Variants in GPR107 observed in about 807,000 individuals in gnomAD.
GPR107 encodes the protein protein GPR107.
Under a neutral mutation model 75.5 loss-of-function variants are expected in GPR107, and 31 were observed. The observed-to-expected ratio is 0.41, with a 90% CI of 0.31 to 0.55. GPR107 has a LOEUF of 0.55. Among genes scored for constraint, GPR107 ranks in the 20% least tolerant of loss-of-function variants. The pLI is 0.26. For synonymous variants in GPR107, 267 were observed against 251.3 expected (o/e 1.06, Z -0.59); for missense variants, 572 against 665.7 (o/e 0.86, Z 1.55).
intron 14 of GPR107, chr9:130,108,690 C>T (rs1240117659): frequency 4.8e-5 from 22 of 454,848 alleles, no homozygotes; most frequent in Admixed American, 4.3e-4. Context: ...TCAGCTTCTG[C>T]GACCTGCACC....
chr9:130,086,703 A>G (rs568797843), intron 7 of GPR107, among the ~76,000 whole-genome samples: 8 of 152,234 alleles, frequency 5.3e-5, no homozygotes, highest in African/African-American at 1.7e-4. Context: ...GTGACTATCT[A>G]GTGTAGGTGA....
At chr9:130,072,617 T>C (rs1830237543) in intron 1 of GPR107, among the ~76,000 whole-genome samples, 1 of 152,156 alleles carries the variant, frequency 6.6e-6, no homozygotes, top group South Asian at 2.1e-4. Flanking sequence ...GATGCTGTTT[T>C]TATTGTTTAA....
intron 15 of GPR107, 148 bp downstream of exon 15, chr9:130,125,112 TTC>T: frequency 2.0e-6 from 1 of 512,774 alleles, no homozygotes; most frequent in Non-Finnish European, 3.3e-6. Context: ...TTTTTTTTTT[TTC>T]TGGAGACGAC....
At chr9:130,099,330 T>G in intron 9 of GPR107, 127 bp from the exon 10 acceptor site, 4 of 594,522 alleles carry the variant, frequency 6.7e-6, no homozygotes, top group Non-Finnish European at 1.2e-5. Flanking sequence ...AAAAAAAAAG[T>G]TTCATGTTTG....
chr9:130,062,664 T>TTCCTGCCTTCCTGCCTGCCTGCCTGCCTG (rs1564657740), intron 1 of GPR107, among the ~76,000 whole-genome samples: 5 of 75,818 alleles, frequency 6.6e-5, no homozygotes, highest in African/African-American at 2.8e-4. Context: ...CTGCCTGCCT[T>TTCCTGCCTTCCTGCCTGCCTGCCTGCCTG]CCTTCCTTCC....
At chr9:130,062,943 T>C (rs1177485698) in intron 1 of GPR107, among the ~76,000 whole-genome samples, 1 of 152,288 alleles carries the variant, frequency 6.6e-6, no homozygotes, top group East Asian at 1.9e-4. Flanking sequence ...TTGTCCAGGC[T>C]GGTCTTGAAC....
chr9:130,105,628 T>C (rs572382402), intron 13 of GPR107, among the ~76,000 whole-genome samples: 1 of 152,096 alleles, frequency 6.6e-6, no homozygotes, highest in East Asian at 1.9e-4. Context: ...TGTCAGTTAC[T>C]CTCATTATTT....
chr9:130,134,296 A>C (rs1831899350), intron 17 of GPR107, among the ~76,000 whole-genome samples: 1 of 152,148 alleles, frequency 6.6e-6, no homozygotes, highest in Non-Finnish European at 1.5e-5. Flanking sequence ...GATTCCTTCT[A>C]ATGGAAAGGG....
At chr9:130,113,245 CTT>C (rs10564750) in intron 14 of GPR107, among the ~76,000 whole-genome samples, 47,109 of 127,960 alleles carry the variant, frequency 0.37, 7,998 homozygotes, top group Non-Finnish European at 0.39. Context: ...TTTCCCAGAT[CTT>C]TTTTTTTTTT....
intron 9 of GPR107, among the ~76,000 whole-genome samples, chr9:130,093,225 C>T (rs1482976827): frequency 6.6e-6 from 1 of 152,030 alleles, no homozygotes; most frequent in Non-Finnish European, 1.5e-5. Flanking sequence ...TTTCTGAAAC[C>T]CCCGAGGCTT....
intron 1 of GPR107, among the ~76,000 whole-genome samples, chr9:130,067,876 C>T (rs11789363): frequency 2.0e-5 from 3 of 151,122 alleles, no homozygotes; most frequent in African/African-American, 7.3e-5. Context: ...TCCCAAGCAG[C>T]TGGGATTACA....
At chr9:130,082,260 C>T (rs889971843) in intron 5 of GPR107, among the ~76,000 whole-genome samples, 3 of 152,116 alleles carry the variant, frequency 2.0e-5, no homozygotes, top group Admixed American at 6.6e-5. Flanking sequence ...TAAACTATGT[C>T]GTTCAGTCTG....
chr9:130,062,493 C>G (rs1829951579), intron 1 of GPR107, among the ~76,000 whole-genome samples: 2 of 150,974 alleles, frequency 1.3e-5, no homozygotes, highest in African/African-American at 4.9e-5. Flanking sequence ...AGTAGTAGTT[C>G]ATTCATTCAA....
intron 12 of GPR107, among the ~76,000 whole-genome samples, chr9:130,102,324 G>C (rs1356361681): frequency 6.6e-6 from 1 of 152,200 alleles, no homozygotes; most frequent in Non-Finnish European, 1.5e-5. Flanking sequence ...GAATGACGGA[G>C]ACTGGGTTGT....
At chr9:130,097,160 T>TC (rs1363093401) in intron 9 of GPR107, among the ~76,000 whole-genome samples, 2 of 146,056 alleles carry the variant, frequency 1.4e-5, no homozygotes, top group Admixed American at 6.8e-5. Context: ...TTTTTCTTTT[T>TC]TTTTTTTTTT....
chr9:130,124,653 C>G (rs1419616945), intron 14 of GPR107, among the ~76,000 whole-genome samples: 1 of 152,204 alleles, frequency 6.6e-6, no homozygotes, highest in Non-Finnish European at 1.5e-5. Context: ...CAGGTTACAG[C>G]TGCTGACCCT....
chr9:130,083,776 A>G (rs1830546692), intron 6 of GPR107, among the ~76,000 whole-genome samples, 174 bp downstream of exon 6: 1 of 152,074 alleles, frequency 6.6e-6, no homozygotes. Flanking sequence ...ACCCTAGTGA[A>G]TATCAAAATC....
chr9:130,091,137 C>T (rs1182990431), intron 8 of GPR107, among the ~76,000 whole-genome samples, 154 bp downstream of exon 8: 1 of 152,134 alleles, frequency 6.6e-6, no homozygotes, highest in Non-Finnish European at 1.5e-5. Context: ...GCAGAGGATT[C>T]ATAGGAAAAT....
At chr9:130,065,626 G>A (rs1830049497) in intron 1 of GPR107, among the ~76,000 whole-genome samples, 1 of 150,082 alleles carries the variant, frequency 6.7e-6, no homozygotes, top group Non-Finnish European at 1.5e-5. Context: ...AATTAGCCCG[G>A]CGTGGTGGCA....
Sources: allele counts gnomAD v4.1 joint callset (sites outside exome capture counted in the v4.1 genomes callset), GRCh38; gene constraint gnomAD v4.1.1; transcripts MANE v1.5; gene names NCBI Gene and HGNC (gene_info 2026-07-23, HGNC 2026-07-21).